The following TRIM37 variants were observed in gnomAD, a reference collection of about 807,000 sequenced individuals.
The protein encoded by TRIM37 is E3 ubiquitin-protein ligase TRIM37.
TRIM37 carries 80 observed loss-of-function variants against 129.8 expected under a neutral mutation model. That is an observed-to-expected ratio of 0.62 (90% CI 0.51 to 0.74). The LOEUF (loss-of-function observed/expected upper bound fraction) is 0.74. TRIM37 is among the 30% of genes least tolerant of loss of function. TRIM37 has a pLI of 0.00. For missense variants in TRIM37, 1,054 were observed against 1,176.5 expected (o/e 0.90, Z 1.52); for synonymous variants, 389 against 387.1 (o/e 1.00, Z -0.06).
At chr17:59,048,567 T>C (rs1263035066) in intron 15 of TRIM37, among the ~76,000 whole-genome samples, 1 of 152,226 alleles carries the variant, frequency 6.6e-6, no homozygotes, top group East Asian at 1.9e-4. Flanking sequence ...AGGCATGTAC[T>C]AGTTTCAGTG....
chr17:58,998,942 T>C lies in TRIM37; in HGVS notation c.*435A>G. ...TAATCTACAGGCACTAATGGAACTG[T>C]AATTAAAACCCCAAATATAAAGATG... is the stretch of plus-strand genomic sequence containing the variant. On this transcript the variant is annotated 3_prime_UTR_variant, in exon 24 of 24. Transcript: ENST00000262294. The C allele has an allele frequency of 9.7e-7, 1 of 1,032,594 alleles. No individual in the cohort carries two copies. The highest frequency in any genetic ancestry group is 1.2e-6 in the Non-Finnish European group (1 of 857,926). 64.0% of individuals were successfully genotyped at this position (1,032,594 alleles called of 1,614,324 possible). A position where few individuals can be genotyped will look rare whatever the true frequency, so the allele number is the denominator to read the frequency against.
chr17:59,037,557 CAAAAAAAAAAAAAAA>C (rs58856834), intron 17 of TRIM37, among the ~76,000 whole-genome samples: 17 of 74,004 alleles, frequency 2.3e-4, no homozygotes, highest in Admixed American at 3.6e-4. Flanking sequence ...GACTCTGTCT[CAAAAAAAAAAAAAAA>C]AAAAAAAAAA....
Position 59,020,230 on chromosome 17 carries a change from C to CAAAAA in TRIM37, c.2258-2811_2258-2807dup, listed in dbSNP as rs58159558. On this transcript the variant is annotated intron_variant, in intron 19 of 23. Coordinates refer to ENST00000262294, the MANE Select transcript of TRIM37 (RefSeq NM_015294.6). The stretch of plus-strand genomic sequence containing the variant: ...TGGTGGACAGAGCGAGACTCTGTCT[C>CAAAAA]AAAAAAAAAAAAAAAAAAAAAAAAA... Among the ~76,000 whole-genome samples the CAAAAA allele has an allele frequency of 3.1e-4, 10 of 32,056 alleles. 1 individual carries two copies. Among genetic ancestry groups the CAAAAA allele is most frequent in the Non-Finnish European group, 3.6e-4 (7 of 19,602 alleles). 21.0% of individuals were successfully genotyped at this position (32,056 alleles called of 152,430 possible).
At chr17:59,081,700 G>A (rs1432405811) in intron 5 of TRIM37, among the ~76,000 whole-genome samples, 1 of 151,874 alleles carries the variant, frequency 6.6e-6, no homozygotes, top group Non-Finnish European at 1.5e-5. Context: ...TTGAACTGAG[G>A]AATTCATGAC....
rs2033306632 is a variant in TRIM37, at chr17:58,998,886, A to G, written c.*491T>C. On this transcript the variant is annotated 3_prime_UTR_variant, in exon 24 of 24. Transcript: ENST00000262294. ...GTTATTCACATAGTGTCTACAGGGC[A>G]GAATCTCTTCCAAAGCAATTTTCTG... 9.8e-7 allele frequency: 1 copy of G among 1,015,628 alleles called. No individual in the cohort carries two copies. The highest frequency in any genetic ancestry group is 1.2e-6 in the Non-Finnish European group (1 of 847,714). 62.9% of individuals were successfully genotyped at this position (1,015,628 alleles called of 1,614,324 possible).
chr17:59,081,135 G>A lies in TRIM37; in HGVS notation c.454C>T (p.Arg152Trp), dbSNP rs1223018500. 8 of 1,613,502 alleles carry A rather than the reference G, an allele frequency of 5.0e-6. No homozygotes were observed. The highest frequency in any genetic ancestry group is 1.7e-5 in the Admixed American group (1 of 59,978). Residue 152 changes from arginine to tryptophan, a missense_variant, in exon 6 of 24, where the codon CGG becomes TGG. This residue lies in a region of TRIM37 where 752 missense variants were observed against 870.8 expected (regional missense o/e 0.86). Transcript: ENST00000262294. ...KVNEEVAKLRRRLMELISLVQ... is the reference protein window; with the variant it reads ...KVNEEVAKLRWRLMELISLVQ... ...AAGCTGATCAGTTCCATGAGACGCC[G>A]ACGAAGTTTGGCTACCTCTTCATTC...
At chr17:59,076,711 G>A (rs545678479) in intron 7 of TRIM37, among the ~76,000 whole-genome samples, 2 of 152,336 alleles carry the variant, frequency 1.3e-5, no homozygotes, top group Non-Finnish European at 2.9e-5. Flanking sequence ...GTACATCCAT[G>A]AGGACAGCAA....
At chr17:59,044,046 G>C (rs2145968151) in intron 16 of TRIM37, among the ~76,000 whole-genome samples, 1 of 152,278 alleles carries the variant, frequency 6.6e-6, no homozygotes, top group African/African-American at 2.4e-5. Flanking sequence ...TGTAATCCCA[G>C]CACTTTGGGA....
intron 13 of TRIM37, among the ~76,000 whole-genome samples, chr17:59,055,820 G>C (rs1034130882): frequency 6.6e-6 from 1 of 151,892 alleles, no homozygotes; most frequent in Non-Finnish European, 1.5e-5. Context: ...AATAACTATT[G>C]GGTACTAGGC....
intron 19 of TRIM37, among the ~76,000 whole-genome samples, chr17:59,022,551 T>G (rs936622966): frequency 6.6e-6 from 1 of 152,250 alleles, no homozygotes; most frequent in Non-Finnish European, 1.5e-5. Flanking sequence ...CATTATTCAA[T>G]GCCTGCTGCC....
At position 59,049,177 on chromosome 17, in the gene TRIM37, C is replaced by A; in HGVS notation, c.1530+1G>T. The A allele has an allele frequency of 6.2e-7, 1 of 1,613,120 alleles. No individual in the cohort carries two copies. On this transcript the variant is annotated splice_donor_variant, in intron 15 of 23. Transcript: ENST00000262294. LOFTEE classifies it high-confidence loss of function. Reference sequence around the variant, plus strand: ...AAATCTAAAACTGGCCTCATTATTACATGATAATCTTCATTCTGAATCTTC... The same window carrying A: ...AAATCTAAAACTGGCCTCATTATTAAATGATAATCTTCATTCTGAATCTTC...
At chr17:59,012,805 C>T (rs917117413) in intron 21 of TRIM37, among the ~76,000 whole-genome samples, 2 of 151,132 alleles carry the variant, frequency 1.3e-5, no homozygotes, top group African/African-American at 2.4e-5. Flanking sequence ...GAACCCGGGA[C>T]GTGGAGGTTG....
rs185546704 is a variant in TRIM37, at chr17:59,007,813, T to C, written c.2695+4515A>G. Among the ~76,000 whole-genome samples the C allele has an allele frequency of 3.0e-3, 464 of 152,328 alleles. 2 individuals are homozygous for C. The highest frequency in any genetic ancestry group is 4.4e-3 in the Non-Finnish European group (300 of 68,026). On this transcript the variant is annotated intron_variant, in intron 22 of 23. Transcript: ENST00000262294. ...GCTTAAGAGCAATTAAGAGACACTT[T>C]AGTAGTCCCAAATTCCCAGCCAGTA...
At chr17:59,071,674 C>A (rs1032581967) in intron 8 of TRIM37, among the ~76,000 whole-genome samples, 3 of 152,260 alleles carry the variant, frequency 2.0e-5, no homozygotes, top group African/African-American at 7.2e-5. Flanking sequence ...TGTACACACA[C>A]ACACACGCAC....
At position 59,056,860 on chromosome 17, in the gene TRIM37, A is replaced by G. The variant is rs752738777; in HGVS notation, c.1199+15T>C. ...CCCCACAATAAAAACCACAACATCA[A>G]ATTTTTCCTGTTACCTTAAAATCAC... is the stretch of plus-strand genomic sequence containing the variant. On this transcript the variant is annotated intron_variant, in intron 13 of 23. Transcript: ENST00000262294. 6.2e-7 allele frequency: 1 copy of G among 1,612,782 alleles called. No individual in the cohort carries two copies. The highest frequency in any genetic ancestry group is 1.1e-5 in the South Asian group (1 of 91,050).
chr17:58,972,543 G>A, the TRIM37 span, among the ~76,000 whole-genome samples: 1 of 152,110 alleles, frequency 6.6e-6, no homozygotes, highest in Admixed American at 6.5e-5. Context: ...TAGAGACGGG[G>A]TTTCACCATG....
At chr17:58,980,092 T>C, downstream of TRIM37, 1 of 1,614,084 alleles carries the variant, frequency 6.2e-7, no homozygotes, top group South Asian at 1.1e-5. The surrounding 1 kb of genome is among the most constrained non-coding windows in gnomAD (Gnocchi z 4.7). Context: ...CCGTGAACCC[T>C]GATGAGGCAG....
intron 20 of TRIM37, among the ~76,000 whole-genome samples, chr17:59,016,194 G>A (rs951747806): frequency 6.6e-6 from 1 of 151,880 alleles, no homozygotes; most frequent in African/African-American, 2.4e-5. Flanking sequence ...AGGAGTTCAA[G>A]ACCAGCCTGG....
chr17:58,986,777 G>A (rs2031859107), intron 24 of TRIM37, among the ~76,000 whole-genome samples: 1 of 152,130 alleles, frequency 6.6e-6, no homozygotes, highest in Non-Finnish European at 1.5e-5. Flanking sequence ...CCCAAGTGCT[G>A]GGATTTACAG....
Sources: allele counts gnomAD v4.1 joint callset (sites outside exome capture counted in the v4.1 genomes callset), GRCh38; gene constraint gnomAD v4.1.1; regional missense constraint gnomAD v4.1.1; non-coding constraint Gnocchi (gnomAD v3.1); transcripts MANE v1.5; gene names NCBI Gene and HGNC (gene_info 2026-07-23, HGNC 2026-07-21).